The following PCNX2 variants were observed in gnomAD, a reference collection of about 807,000 sequenced individuals.
PCNX2 encodes the protein pecanex 2.
A neutral mutation model predicts 223.8 loss-of-function variants in PCNX2; 168 were observed. The observed-to-expected ratio is 0.75, with a 90% CI of 0.66 to 0.85. The LOEUF (loss-of-function observed/expected upper bound fraction) is 0.85. PCNX2 is among the 40% of genes least tolerant of loss of function. The probability of loss-of-function intolerance (pLI) is 0.00; values close to 1 mark genes in which losing one functional copy is unlikely to be tolerated. For missense variants in PCNX2, 2,507 were observed against 2,675.5 expected, an observed-to-expected ratio of 0.94 and a Z score of 1.39; for synonymous variants, 1,006 against 1,052.6, an observed-to-expected ratio of 0.96 and a Z score of 0.86.
chr1:233,067,276 A>G (rs186585052), intron 23 of PCNX2, among the ~76,000 whole-genome samples: 27 of 149,930 alleles, frequency 1.8e-4, no homozygotes, highest in Middle Eastern at 3.4e-3. Context: ...TGATGAAATT[A>G]TCTGACAAAT....
chr1:233,277,003 C>T (rs563011993), intron 1 of PCNX2, among the ~76,000 whole-genome samples: 12 of 152,344 alleles, frequency 7.9e-5, no homozygotes, highest in South Asian at 6.2e-4. Flanking sequence ...CTTCAAGGAA[C>T]TGGTATTGAA....
chr1:233,286,521 G>A (rs1323159355), intron 1 of PCNX2, among the ~76,000 whole-genome samples: 2 of 152,180 alleles, frequency 1.3e-5, no homozygotes, highest in African/African-American at 4.8e-5. Flanking sequence ...GACTATGTAC[G>A]CGAGAATCTG....
rs1012073268 is a variant in PCNX2, at chr1:233,236,699, T to C, written c.2358+146A>G. On this transcript the variant is annotated intron_variant, in intron 9 of 33. Transcript: ENST00000258229. ...TTCCTTTCACATTCAGTCAGTAGAC[T>C]GCCTTGCAGTGATATATCAACAACC... 48 of 1,131,360 alleles carry C rather than the reference T, an allele frequency of 4.2e-5. No homozygotes were observed. The African/African-American group carries it at 7.0e-4, about 17-fold the overall frequency. The allele number at this position is 1,131,360 out of a possible 1,614,324, so 70.1% of individuals were successfully genotyped here.
chr1:233,038,839 G>A (rs1461775867), intron 25 of PCNX2, among the ~76,000 whole-genome samples: 2 of 152,188 alleles, frequency 1.3e-5, no homozygotes, highest in African/African-American at 2.4e-5. Flanking sequence ...GTCCCCACAG[G>A]CCAGTGATTA....
chr1:233,294,034 C>T (rs990579503), intron 1 of PCNX2: 44 of 969,090 alleles, frequency 4.5e-5, no homozygotes, highest in African/African-American at 1.6e-4. Flanking sequence ...GTATTTAATG[C>T]TTTTTATATA....
intron 8 of PCNX2, among the ~76,000 whole-genome samples, chr1:233,238,170 C>T (rs560438904): frequency 2.5e-4 from 38 of 152,314 alleles, no homozygotes; most frequent in African/African-American, 8.2e-4. Flanking sequence ...TACATCTCAT[C>T]GTGCAGCCCA....
At chr1:233,017,892 G>A (rs185133747) in intron 26 of PCNX2, among the ~76,000 whole-genome samples, 27 of 152,352 alleles carry the variant, frequency 1.8e-4, no homozygotes, top group Non-Finnish European at 3.2e-4. Flanking sequence ...ACCCTCTGAC[G>A]GGGTTGCTGT....
At position 233,183,389 on chromosome 1, in the gene PCNX2, G is replaced by A. The variant is rs191815268; in HGVS notation, c.3067-4214C>T. ...TGTTAGCACCCTGACATATCCTTGC[G>A]AGAATGACTACAAGGTTTGGGCTTT... On this transcript the variant is annotated intron_variant, in intron 15 of 33. Transcript: ENST00000258229. 5.3e-4 allele frequency among the ~76,000 whole-genome samples: 81 copies of A among 152,270 alleles called. 1 individual carries two copies. The highest frequency in any genetic ancestry group is 3.4e-3 in the Middle Eastern group (1 of 294).
At chr1:233,102,731 T>C (rs185813795) in intron 21 of PCNX2, among the ~76,000 whole-genome samples, 12 of 151,998 alleles carry the variant, frequency 7.9e-5, no homozygotes, top group Middle Eastern at 3.4e-3. Flanking sequence ...TGCTATTTAG[T>C]TGTTTGAGTT....
At chr1:233,116,654 T>G (rs1028055431) in intron 21 of PCNX2, among the ~76,000 whole-genome samples, 1 of 151,996 alleles carries the variant, frequency 6.6e-6, no homozygotes, top group Non-Finnish European at 1.5e-5. Context: ...GCTAAAGCAG[T>G]GCACAGAAGG....
intron 23 of PCNX2, among the ~76,000 whole-genome samples, chr1:233,063,490 A>T (rs1477064510): frequency 6.6e-6 from 1 of 152,144 alleles, no homozygotes; most frequent in Non-Finnish European, 1.5e-5. Context: ...TGCTGTATAG[A>T]ATTCTTCTAT....
At chr1:233,016,487 A>G (rs147720914) in intron 27 of PCNX2, among the ~76,000 whole-genome samples, 125 of 152,338 alleles carry the variant, frequency 8.2e-4, no homozygotes, top group Non-Finnish European at 1.3e-3. Context: ...AACAGCACAG[A>G]CACACAAAAT....
chr1:233,065,485 G>A lies in PCNX2; in HGVS notation c.4077-8195C>T, dbSNP rs138414926. 601 of 152,258 alleles carry A rather than the reference G, an allele frequency of 3.9e-3. 4 individuals carry two copies. Among genetic ancestry groups the A allele is most frequent in the African/African-American group, 0.014 (574 of 41,550 alleles). 9.4% of individuals were successfully genotyped at this position (152,258 alleles called of 1,614,324 possible). On this transcript the variant is annotated intron_variant, in intron 23 of 33. Transcript: ENST00000258229. ...ATTCTTCCGGAAATATGGAGTTGGT[G>A]TATTTTTCCTTATTCCTCTACTTGG... is the stretch of plus-strand genomic sequence containing the variant.
At chr1:233,273,156 AT>A (rs1660733470) in intron 1 of PCNX2, among the ~76,000 whole-genome samples, 1 of 151,674 alleles carries the variant, frequency 6.6e-6, no homozygotes, top group Non-Finnish European at 1.5e-5. Context: ...ATAAAAAAAA[AT>A]CATTAAAAAA....
At chr1:233,194,791 C>A (rs550151179) in intron 15 of PCNX2, among the ~76,000 whole-genome samples, 1 of 151,954 alleles carries the variant, frequency 6.6e-6, no homozygotes, top group East Asian at 1.9e-4. Flanking sequence ...CCGAGGCAGG[C>A]GGATCACGAG....
chr1:233,040,415 G>A (rs1259828554), intron 25 of PCNX2, among the ~76,000 whole-genome samples: 1 of 152,152 alleles, frequency 6.6e-6, no homozygotes, highest in Non-Finnish European at 1.5e-5. Flanking sequence ...GGGAAGCCCA[G>A]GATTCCCTGC....
intron 23 of PCNX2, among the ~76,000 whole-genome samples, chr1:233,082,913 G>C (rs1213777607): frequency 6.6e-6 from 1 of 152,184 alleles, no homozygotes; most frequent in Non-Finnish European, 1.5e-5. Flanking sequence ...AGGCGTGAAA[G>C]ATGACATGAA....
intron 23 of PCNX2, among the ~76,000 whole-genome samples, chr1:233,063,987 T>C (rs939058878): frequency 1.3e-5 from 2 of 152,158 alleles, no homozygotes; most frequent in East Asian, 1.9e-4. Context: ...GTCTTTTTTT[T>C]CATAACATCT....
chr1:233,040,182 C>T (rs956360233), intron 25 of PCNX2, among the ~76,000 whole-genome samples: 1 of 152,184 alleles, frequency 6.6e-6, no homozygotes, highest in African/African-American at 2.4e-5. Context: ...CTAAGACCTA[C>T]CTCCTCTAAG....
Sources: gnomAD v4.1 joint callset for allele counts (sites outside exome capture counted in the v4.1 genomes callset) on GRCh38, gnomAD v4.1.1 for gene constraint, MANE v1.5 for transcripts, NCBI Gene and HGNC (gene_info 2026-07-23, HGNC 2026-07-21) for gene names.